Variants in PDIA6 observed in about 807,000 individuals in gnomAD.
The protein encoded by PDIA6 is protein disulfide-isomerase A6.
In PDIA6, 29 loss-of-function variants were observed where a neutral mutation model predicts 58.4. The ratio of observed to expected loss-of-function variants is 0.50; its 90% CI spans 0.37 to 0.68. The LOEUF (loss-of-function observed/expected upper bound fraction) is 0.68, where lower values mean the gene tolerates loss of function less well. Among genes scored for constraint, PDIA6 ranks in the 30% least tolerant of loss-of-function variants. The pLI is 0.00. For synonymous variants in PDIA6, 192 were observed against 202.6 expected, an observed-to-expected ratio of 0.95 and a Z score of 0.44; for missense variants, 480 against 551.0, an observed-to-expected ratio of 0.87 and a Z score of 1.29.
intron 5 of PDIA6, 136 bp from the exon 6 acceptor site, chr2:10,792,061 G>T: frequency 1.1e-6 from 1 of 942,764 alleles, no homozygotes; most frequent in Non-Finnish European, 1.6e-6. Context: ...GAAAACGGTT[G>T]TATTCAAATT....
At chr2:10,796,060 C>CTTTT (rs78611007) in intron 4 of PDIA6, among the ~76,000 whole-genome samples, 6 of 144,094 alleles carry the variant, frequency 4.2e-5, no homozygotes, top group African/African-American at 1.7e-4. Flanking sequence ...TTTGTGATAT[C>CTTTT]TTTTTTTTTT....
chr2:10,817,058 T>C (rs1242616890), upstream of PDIA6, among the ~76,000 whole-genome samples: 1 of 152,224 alleles, frequency 6.6e-6, no homozygotes, highest in Non-Finnish European at 1.5e-5. Context: ...TCCTTCACCT[T>C]TGCCGTTCTT....
At chr2:10,798,974 G>C (rs181775948) in intron 2 of PDIA6, among the ~76,000 whole-genome samples, 1 of 152,310 alleles carries the variant, frequency 6.6e-6, no homozygotes, top group Admixed American at 6.5e-5. Context: ...AAAGCATGAC[G>C]TGACACCACA....
intron 1 of PDIA6, chr2:10,810,158 G>C (rs1734449): frequency 0.54 from 394,085 of 725,362 alleles, 110,765 homozygotes; most frequent in Middle Eastern, 0.59. Flanking sequence ...CATATATTAA[G>C]TCATTTAAGA....
At chr2:10,806,471 T>A (rs1270848324) in intron 1 of PDIA6, among the ~76,000 whole-genome samples, 1 of 139,206 alleles carries the variant, frequency 7.2e-6, no homozygotes, top group Non-Finnish European at 1.6e-5. Context: ...AAAAAAAAAA[T>A]TAAGTTTAGA....
chr2:10,814,963 G>C (rs540314488), upstream of PDIA6, among the ~76,000 whole-genome samples: 3 of 152,346 alleles, frequency 2.0e-5, no homozygotes, highest in South Asian at 4.1e-4. Context: ...GGAGAAAACA[G>C]AGGCCAGATC....
At chr2:10,812,011 G>A (rs1168055351) in intron 1 of PDIA6, among the ~76,000 whole-genome samples, 2 of 152,078 alleles carry the variant, frequency 1.3e-5, no homozygotes, top group Non-Finnish European at 2.9e-5. Context: ...TGGGGGTTCA[G>A]GAGATTCTCC....
At chr2:10,836,093 G>A (rs1177982130), upstream of PDIA6, among the ~76,000 whole-genome samples, 1 of 152,070 alleles carries the variant, frequency 6.6e-6, no homozygotes, top group Non-Finnish European at 1.5e-5. Flanking sequence ...GTACCTTGGT[G>A]CCTGAGATGA....
At chr2:10,819,161 C>A (rs1667310182) in intron 2 of PDIA6, 2 of 646,642 alleles carry the variant, frequency 3.1e-6, no homozygotes, top group Admixed American at 5.7e-5. Context: ...CATCATATGA[C>A]TAGACCTCAT....
chr2:10,813,046 T>G (rs1277359770), upstream of PDIA6, among the ~76,000 whole-genome samples: 7 of 152,064 alleles, frequency 4.6e-5, no homozygotes, highest in Admixed American at 4.6e-4. Flanking sequence ...CTCGGGGTGC[T>G]GCTCGGAGGG....
At chr2:10,796,365 C>T (rs1208728247) in intron 4 of PDIA6, among the ~76,000 whole-genome samples, 2 of 151,966 alleles carry the variant, frequency 1.3e-5, no homozygotes, top group East Asian at 3.9e-4. Flanking sequence ...TTTGTGATAT[C>T]TTAATTAAAT....
upstream of PDIA6, among the ~76,000 whole-genome samples, chr2:10,814,489 A>G (rs151099709): frequency 6.0e-3 from 915 of 152,340 alleles, 11 homozygotes; most frequent in African/African-American, 0.02. Flanking sequence ...CTGTTCCTCC[A>G]GGCCTGTCTG....
intron 1 of PDIA6, among the ~76,000 whole-genome samples, chr2:10,828,892 AG>A (rs1667630251): frequency 6.6e-6 from 1 of 152,196 alleles, no homozygotes; most frequent in African/African-American, 2.4e-5. Context: ...CCAGCAAAGC[AG>A]GGCTTCCTCC....
intron 1 of PDIA6, among the ~76,000 whole-genome samples, chr2:10,812,435 C>A (rs1223518976): frequency 6.6e-6 from 1 of 151,882 alleles, no homozygotes; most frequent in Admixed American, 6.6e-5. Context: ...GGCTCCAGCG[C>A]ACGAGGCTCC....
intron 1 of PDIA6, among the ~76,000 whole-genome samples, chr2:10,825,897 C>T (rs1169814711): frequency 6.6e-6 from 1 of 152,176 alleles, no homozygotes; most frequent in East Asian, 1.9e-4. Context: ...AATGGTGCAA[C>T]CACTTTAGAG....
intron 10 of PDIA6, among the ~76,000 whole-genome samples, chr2:10,788,315 C>T (rs1362748107): frequency 5.9e-5 from 9 of 152,092 alleles, no homozygotes; most frequent in Non-Finnish European, 1.2e-4. Context: ...CCCTTCATTC[C>T]TTCTTTTCCT....
At chr2:10,802,285 G>T (rs1734361) in intron 2 of PDIA6, among the ~76,000 whole-genome samples, 74,136 of 151,894 alleles carry the variant, frequency 0.49, 19,624 homozygotes, top group Middle Eastern at 0.59. Context: ...CCTCATAAAA[G>T]CAGTTTTCCT....
upstream of PDIA6, chr2:10,812,824 G>T (rs1237800696): frequency 1.4e-5 from 17 of 1,181,492 alleles, no homozygotes; most frequent in Non-Finnish European, 1.8e-5. Context: ...GCGGCCGCGC[G>T]GGGGCGGGCC....
At chr2:10,813,053 A>T (rs1230169365), upstream of PDIA6, among the ~76,000 whole-genome samples, 1 of 151,860 alleles carries the variant, frequency 6.6e-6, no homozygotes, top group African/African-American at 2.4e-5. Context: ...TGCTGCTCGG[A>T]GGGGAGTCCA....
Sources: gnomAD v4.1 joint callset for allele counts (sites outside exome capture counted in the v4.1 genomes callset) on GRCh38, gnomAD v4.1.1 for gene constraint, MANE v1.5 for transcripts, NCBI Gene and HGNC (gene_info 2026-07-23, HGNC 2026-07-21) for gene names.